The following SLC5A7 variants were observed in gnomAD, a reference collection of about 807,000 sequenced individuals.
SLC5A7 encodes the protein high affinity choline transporter 1.
In SLC5A7, 19 loss-of-function variants were observed where a neutral mutation model predicts 55.4. The observed-to-expected ratio is 0.34, with a 90% CI of 0.24 to 0.50. The LOEUF is 0.50. Among genes scored for constraint, SLC5A7 ranks in the 20% least tolerant of loss-of-function variants. SLC5A7 has a pLI of 0.98. For missense variants in SLC5A7, 506 were observed against 705.3 expected (o/e 0.72, Z 3.20); for synonymous variants, 265 against 263.7 (o/e 1.00, Z -0.05).
At chr2:107,996,685 C>A (rs992760424) in intron 4 of SLC5A7, among the ~76,000 whole-genome samples, 2 of 152,276 alleles carry the variant, frequency 1.3e-5, no homozygotes, top group South Asian at 4.1e-4. Flanking sequence ...AGAACCACAG[C>A]GGCCCAAACT....
chr2:108,006,075 A>G lies in SLC5A7; in HGVS notation c.768A>G (p.Ala256=), dbSNP rs1231154378. The part of the protein sequence containing the change: ...LLMLGGIPWQ[A]YFQRVLSSSS... ...TGCTGGGTGGAATCCCATGGCAAGC[A>G]TACTTTCAGAGGGTTCTCTCTTCTT... The change falls in exon 7 of 9, where the codon GCA becomes GCG. Residue 256 remains alanine, a synonymous_variant. Coordinates refer to ENST00000264047, the MANE Select transcript of SLC5A7 (RefSeq NM_021815.5). 2 of 1,614,166 alleles carry G rather than the reference A, an allele frequency of 1.2e-6. No homozygotes were observed. Among genetic ancestry groups the G allele is most frequent in the South Asian group, 2.2e-5 (2 of 91,084 alleles).
intron 2 of SLC5A7, among the ~76,000 whole-genome samples, chr2:107,990,053 C>T (rs1677391769): frequency 1.3e-5 from 2 of 151,982 alleles, no homozygotes; most frequent in South Asian, 4.2e-4. Flanking sequence ...AACCATACTA[C>T]CTAACCTTGT....
At chr2:108,009,473 C>A (rs1050341119) in intron 8 of SLC5A7, among the ~76,000 whole-genome samples, 1 of 151,976 alleles carries the variant, frequency 6.6e-6, no homozygotes, top group Non-Finnish European at 1.5e-5. Context: ...CCCCCCACGC[C>A]CCCCAACAGG....
chr2:108,013,094 G>C lies in SLC5A7; in HGVS notation c.*2233G>C, dbSNP rs1041486225. 1 of 152,010 alleles carries C rather than the reference G, an allele frequency of 6.6e-6. No individual in the cohort carries two copies. The highest frequency in any genetic ancestry group is 2.4e-5 in the African/African-American group (1 of 41,398). 9.4% of individuals were successfully genotyped at this position (152,010 alleles called of 1,614,324 possible). On this transcript the variant is annotated 3_prime_UTR_variant, in exon 9 of 9. Coordinates refer to ENST00000264047, the MANE Select transcript of SLC5A7 (RefSeq NM_021815.5). ...CTCTCTCTTTACGTTGTACCATTCTGTTGGGCAACAATTGTCCCAACAACC... is the reference window on the plus strand; with the variant it reads ...CTCTCTCTTTACGTTGTACCATTCTCTTGGGCAACAATTGTCCCAACAACC...
At chr2:107,990,512 GA>G (rs1040783517) in intron 2 of SLC5A7, among the ~76,000 whole-genome samples, 16 of 144,180 alleles carry the variant, frequency 1.1e-4, no homozygotes, top group South Asian at 4.4e-4. Flanking sequence ...CACACACAGT[GA>G]AAAAAAAAAG....
intron 6 of SLC5A7, among the ~76,000 whole-genome samples, chr2:108,005,592 G>C (rs201496049): frequency 1.3e-5 from 2 of 152,160 alleles, no homozygotes; most frequent in South Asian, 2.1e-4. Flanking sequence ...CATCATAAAC[G>C]GAGTGGCTTA....
In SLC5A7 at chr2:108,011,850, A is replaced by G. The variant is rs1429584658; in HGVS notation, c.*989A>G. 6.6e-6 allele frequency: 1 copy of G among 152,238 alleles called. No homozygotes were observed. The highest frequency in any genetic ancestry group is 2.4e-5 in the African/African-American group (1 of 41,446). The allele number at this position is 152,238 out of a possible 1,614,324, so 9.4% of individuals were successfully genotyped here. ...GAATACTTTATGGGAAGCCTCCACA[A>G]CACCTCCTGATAGTAGTAAAATTAG... On this transcript the variant is annotated 3_prime_UTR_variant, in exon 9 of 9. Coordinates refer to ENST00000264047, the MANE Select transcript of SLC5A7 (RefSeq NM_021815.5).
In SLC5A7 at chr2:107,988,145, A is replaced by T. The variant is rs767251271; in HGVS notation, c.-11A>T. 9.9e-6 allele frequency: 16 copies of T among 1,610,744 alleles called. No individual in the cohort carries two copies. In the South Asian group the frequency reaches 1.8e-4, roughly 18 times the overall value. ...AGCCAGCTGCAGAAGAATCTGGATC[A>T]TTAGATAAAAATGGCTTTCCATGTG... On this transcript the variant is annotated 5_prime_UTR_variant, in exon 2 of 9. Transcript: ENST00000264047.
intron 5 of SLC5A7, 51 bp downstream of exon 5, chr2:107,998,037 G>A (rs749747101): frequency 6.4e-7 from 1 of 1,554,266 alleles, no homozygotes. Context: ...AAAAGGTAAT[G>A]TATTTTATAC....
intron 3 of SLC5A7, 118 bp from the exon 4 acceptor site, chr2:107,992,854 T>C: frequency 1.9e-6 from 2 of 1,051,848 alleles, no homozygotes; most frequent in East Asian, 2.4e-5. Context: ...TGCAGACTTG[T>C]TCCTCAATCC....
At chr2:107,996,723 A>G (rs574487453) in intron 4 of SLC5A7, among the ~76,000 whole-genome samples, 1 of 152,352 alleles carries the variant, frequency 6.6e-6, no homozygotes, top group Non-Finnish European at 1.5e-5. Context: ...TTCAGTGGAA[A>G]TATAGGGACC....
rs1166974024 is a variant in SLC5A7 at position 108,013,788 on chromosome 2, C to T, written c.*2927C>T. The T allele has an allele frequency of 2.0e-5, 3 of 152,080 alleles. No individual in the cohort carries two copies. The highest frequency in any genetic ancestry group is 2.9e-5 in the Non-Finnish European group (2 of 67,992). The allele number at this position is 152,080 out of a possible 1,614,324, so 9.4% of individuals were successfully genotyped here. ...AATGCTTTGTTTTCCCACACATATT[C>T]AAATCAGCAAGCTTGTAGCTGGACT... On this transcript the variant is annotated 3_prime_UTR_variant, in exon 9 of 9. Coordinates refer to ENST00000264047, the MANE Select transcript of SLC5A7 (RefSeq NM_021815.5).
chr2:107,997,963 C>T lies in SLC5A7; in HGVS notation c.574C>T (p.Leu192Phe). The stretch of plus-strand genomic sequence containing the variant: ...TGTGGCCTACACTGATGTCGTTCAG[C>T]TCTTTTGCATTTTTGTAGGGCTGGT... ...YSVAYTDVVQLFCIFVGLWIS... is the reference protein window; with the variant it reads ...YSVAYTDVVQFFCIFVGLWIS... Residue 192 changes from leucine (L) to phenylalanine (F), a missense_variant, in exon 5 of 9, where the codon CTC becomes TTC. By Grantham distance (22) the Leu-to-Phe change is conservative. Around this residue, in one of 4 missense-constraint regions of SLC5A7, gnomAD observed 309 missense variants for 478.6 expected, o/e 0.65. Transcript: ENST00000264047. 1 of 1,612,786 alleles carries T rather than the reference C, an allele frequency of 6.2e-7. No individual in the cohort carries two copies. The highest frequency in any genetic ancestry group is 8.5e-7 in the Non-Finnish European group (1 of 1,179,352).
In SLC5A7 at chr2:108,001,771, T is replaced by A. The variant is rs910552971; in HGVS notation, c.598-126T>A. ...CCAACAAAAAACAGAGAACATGATT[T>A]CCGATCCTTCTCTGTCTGAACTAGA... On this transcript the variant is annotated intron_variant, in intron 5 of 8. Coordinates refer to ENST00000264047, the MANE Select transcript of SLC5A7 (RefSeq NM_021815.5). 20 of 922,470 alleles carry A rather than the reference T, an allele frequency of 2.2e-5. No individual in the cohort carries two copies. In the African/African-American group the frequency reaches 2.2e-4, roughly 10 times the overall value. The allele number at this position is 922,470 out of a possible 1,614,324, so 57.1% of individuals were successfully genotyped here. A position where few individuals can be genotyped will look rare whatever the true frequency, so the allele number is the denominator to read the frequency against.
chr2:107,987,589 A>C (rs1365047458), intron 1 of SLC5A7, among the ~76,000 whole-genome samples: 1 of 152,222 alleles, frequency 6.6e-6, no homozygotes, highest in African/African-American at 2.4e-5. Flanking sequence ...TTTATATCAG[A>C]TTACTACTGA....
intron 2 of SLC5A7, among the ~76,000 whole-genome samples, chr2:107,990,245 A>G (rs1573589566): frequency 6.6e-6 from 1 of 152,222 alleles, no homozygotes; most frequent in East Asian, 1.9e-4. Context: ...GGACTTTTAA[A>G]TCTTAGTAAG....
intron 5 of SLC5A7, among the ~76,000 whole-genome samples, chr2:107,999,160 A>G (rs1383975251): frequency 1.3e-5 from 2 of 152,372 alleles, no homozygotes; most frequent in African/African-American, 4.8e-5. Flanking sequence ...GAATATGAGA[A>G]TATTTAATTT....
At chr2:107,995,464 A>AGTGTGTGTGT (rs1351455221) in intron 4 of SLC5A7, among the ~76,000 whole-genome samples, 14 of 129,028 alleles carry the variant, frequency 1.1e-4, no homozygotes, top group Non-Finnish European at 2.0e-4. Context: ...AGAGAGAGAG[A>AGTGTGTGTGT]GAGAGAGTGT....
intron 5 of SLC5A7, among the ~76,000 whole-genome samples, chr2:107,999,840 T>A (rs1256979523): frequency 6.6e-6 from 1 of 152,126 alleles, no homozygotes; most frequent in Non-Finnish European, 1.5e-5. Context: ...GTACCGATAT[T>A]TTTTCATTCC....
Sources: allele counts gnomAD v4.1 joint callset (sites outside exome capture counted in the v4.1 genomes callset), GRCh38; gene constraint gnomAD v4.1.1; regional missense constraint gnomAD v4.1.1; transcripts MANE v1.5; gene names NCBI Gene and HGNC (gene_info 2026-07-23, HGNC 2026-07-21).